Variants in HTR1F observed in about 807,000 individuals in gnomAD.
The protein encoded by HTR1F is 5-hydroxytryptamine (serotonin) receptor 1F, G protein-coupled.
In HTR1F, 17 loss-of-function variants were observed where a neutral mutation model predicts 24.0. The ratio of observed to expected loss-of-function variants is 0.71; its 90% confidence interval spans 0.48 to 1.06. HTR1F has a LOEUF of 1.06. HTR1F is among the 50% of genes least tolerant of loss of function. The pLI is 0.00. For missense variants in HTR1F, 391 were observed against 427.8 expected (o/e 0.91, Z 0.76); for synonymous variants, 186 against 156.8 (o/e 1.19, Z -1.39).
At chr3:87,968,215 ATT>A (rs946689385) in intron 2 of HTR1F, among the ~76,000 whole-genome samples, 9 of 145,700 alleles carry the variant, frequency 6.2e-5, no homozygotes, top group African/African-American at 1.8e-4. Flanking sequence ...AGCAGAAGAA[ATT>A]TTTTTTTTTT....
At chr3:87,842,397 A>G (rs1704828519) in intron 2 of HTR1F, among the ~76,000 whole-genome samples, 1 of 151,732 alleles carries the variant, frequency 6.6e-6, no homozygotes, top group Non-Finnish European at 1.5e-5. Flanking sequence ...CTCCTGACCT[A>G]GTGATCCACC....
intron 2 of HTR1F, among the ~76,000 whole-genome samples, chr3:87,928,823 AG>A (rs1435342839): frequency 3.9e-5 from 6 of 152,230 alleles, no homozygotes; most frequent in Non-Finnish European, 5.9e-5. Flanking sequence ...AGAGAGAAAA[AG>A]AAATATACAT....
intron 2 of HTR1F, among the ~76,000 whole-genome samples, chr3:87,944,960 A>G (rs1441659455): frequency 6.6e-6 from 1 of 152,210 alleles, no homozygotes; most frequent in African/African-American, 2.4e-5. Context: ...GAAGACCTCC[A>G]ATTATCAATT....
chr3:87,880,120 A>C lies in HTR1F; in HGVS notation c.-43+57996A>C, dbSNP rs202036997. 1.1e-4 allele frequency among the ~76,000 whole-genome samples: 17 copies of C among 152,338 alleles called. No homozygotes were observed. The East Asian group carries it at 2.9e-3, about 26-fold the overall frequency. On this transcript the variant is annotated intron_variant, in intron 2 of 2. Coordinates refer to ENST00000319595, the MANE Select transcript of HTR1F (RefSeq NM_001322209.2). ...CGGTATACAAAATTTTAAGAAATGC[A>C]AACTATTCTACAGTGACATAAAAAC...
At chr3:87,916,341 G>C (rs1487630147) in intron 2 of HTR1F, among the ~76,000 whole-genome samples, 2 of 141,962 alleles carry the variant, frequency 1.4e-5, no homozygotes, top group African/African-American at 5.2e-5. Flanking sequence ...AGGTACACAG[G>C]CAACAAATAG....
At chr3:87,867,176 C>A (rs1237285592) in intron 2 of HTR1F, among the ~76,000 whole-genome samples, 12 of 151,814 alleles carry the variant, frequency 7.9e-5, no homozygotes, top group Admixed American at 7.9e-4. Context: ...TCATTCCTTC[C>A]TAGGGCAGCA....
intron 2 of HTR1F, among the ~76,000 whole-genome samples, chr3:87,858,047 C>T (rs1442159654): frequency 6.6e-6 from 1 of 152,050 alleles, no homozygotes; most frequent in African/African-American, 2.4e-5. Flanking sequence ...GTAAGGATTG[C>T]AACAGTAAAA....
In HTR1F at chr3:87,980,516, T is replaced by C. The variant is rs1329089808; in HGVS notation, c.-42-10192T>C. On this transcript the variant is annotated intron_variant, in intron 2 of 2. Coordinates refer to ENST00000319595, the MANE Select transcript of HTR1F (RefSeq NM_001322209.2). ...ATGGGTGGGCCTGGAAAAAGCACCA[T>C]AAGTTTTCATGCCTGGCTATGGAAC... 2.6e-5 allele frequency among the ~76,000 whole-genome samples: 4 copies of C among 152,248 alleles called. No individual in the cohort carries two copies. In the East Asian group the frequency reaches 7.7e-4, roughly 29 times the overall value.
intron 2 of HTR1F, among the ~76,000 whole-genome samples, chr3:87,950,434 T>A (rs2107460322): frequency 6.6e-6 from 1 of 152,322 alleles, no homozygotes; most frequent in South Asian, 2.1e-4. Flanking sequence ...CTTTTCTTTT[T>A]TTCTTTCAAC....
intron 1 of HTR1F, among the ~76,000 whole-genome samples, chr3:87,796,587 G>A (rs1394681771): frequency 6.6e-6 from 1 of 152,158 alleles, no homozygotes; most frequent in Admixed American, 6.5e-5. Context: ...GCCATAAAAG[G>A]AAACTGAGAA....
chr3:87,850,521 T>A (rs1375452451), intron 2 of HTR1F, among the ~76,000 whole-genome samples: 1 of 151,824 alleles, frequency 6.6e-6, no homozygotes, highest in East Asian at 1.9e-4. Flanking sequence ...GACGAGTTAA[T>A]GGGTGCAGCA....
chr3:87,982,853 G>A (rs1320346751), intron 2 of HTR1F, among the ~76,000 whole-genome samples: 9 of 152,244 alleles, frequency 5.9e-5, no homozygotes, highest in Middle Eastern at 3.4e-3. Context: ...AAGGATTGGA[G>A]AACAAATAAA....
At chr3:87,988,431 C>T (rs889383613) in intron 2 of HTR1F, among the ~76,000 whole-genome samples, 22 of 152,136 alleles carry the variant, frequency 1.4e-4, no homozygotes, top group Non-Finnish European at 1.9e-4. Flanking sequence ...TGCTTAACAG[C>T]ACTTGCCTTC....
chr3:87,945,875 C>G (rs762480189), intron 2 of HTR1F, among the ~76,000 whole-genome samples: 4 of 152,048 alleles, frequency 2.6e-5, no homozygotes, highest in African/African-American at 4.8e-5. Context: ...GGTCCTTGCT[C>G]CCAGAGCTCC....
chr3:87,960,859 A>T (rs1300955842), intron 2 of HTR1F, among the ~76,000 whole-genome samples: 1 of 152,040 alleles, frequency 6.6e-6, no homozygotes, highest in Non-Finnish European at 1.5e-5. Flanking sequence ...TAGACTGCTT[A>T]CTAATGACTA....
At chr3:87,904,394 A>G (rs1254938730) in intron 2 of HTR1F, among the ~76,000 whole-genome samples, 2 of 152,230 alleles carry the variant, frequency 1.3e-5, no homozygotes, top group East Asian at 3.9e-4. Context: ...AAATGTGTAC[A>G]TATATATATT....
intron 2 of HTR1F, among the ~76,000 whole-genome samples, chr3:87,973,492 ACTC>A (rs1705330400): frequency 6.6e-6 from 1 of 152,006 alleles, no homozygotes; most frequent in Non-Finnish European, 1.5e-5. Flanking sequence ...CATCTTTTCT[ACTC>A]CTCCCAGGCA....
At chr3:87,879,097 T>C (rs190108158) in intron 2 of HTR1F, among the ~76,000 whole-genome samples, 22 of 152,324 alleles carry the variant, frequency 1.4e-4, no homozygotes, top group African/African-American at 5.1e-4. Context: ...GAATTTCTTC[T>C]TGGCTACCTG....
In HTR1F at chr3:87,993,199, ATGGTGTGG is replaced by A. The variant is rs1279685715; in HGVS notation, c.*1351_*1358del. The A allele has an allele frequency of 6.0e-6, 1 of 166,754 alleles. No individual in the cohort carries two copies. Among genetic ancestry groups the A allele is most frequent in the Non-Finnish European group, 1.5e-5 (1 of 68,046 alleles). The allele number at this position is 166,754 out of a possible 1,614,324, so 10.3% of individuals were successfully genotyped here. A position where few individuals can be genotyped will look rare whatever the true frequency, so the allele number is the denominator to read the frequency against. On this transcript the variant is annotated 3_prime_UTR_variant, in exon 3 of 3. Transcript: ENST00000319595. ...TGTGCATTGTAAATATTCCTTCCTG[ATGGTGTGG>A]TTAAGAGTACATTACATCAATTTTA...
Sources: gnomAD v4.1 joint callset for allele counts (sites outside exome capture counted in the v4.1 genomes callset) on GRCh38, gnomAD v4.1.1 for gene constraint, MANE v1.5 for transcripts, NCBI Gene and HGNC (gene_info 2026-07-23, HGNC 2026-07-21) for gene names.